The following KANSL1 variants were observed in gnomAD, a reference collection of about 807,000 sequenced individuals.
KANSL1 encodes KAT8 regulatory NSL complex subunit 1.
A neutral mutation model predicts 103.6 loss-of-function variants in KANSL1; 22 were observed. That is an observed-to-expected ratio of 0.21 (90% CI 0.15 to 0.30). KANSL1 has a LOEUF of 0.30. Ranked by LOEUF, KANSL1 falls within the 10% of genes least tolerant of loss-of-function variation. The pLI is 1.00. For synonymous variants in KANSL1, 600 were observed against 527.6 expected, an observed-to-expected ratio of 1.14 and a Z score of -1.88; for missense variants, 1,337 against 1,399.8, an observed-to-expected ratio of 0.96 and a Z score of 0.72.
intron 2 of KANSL1, among the ~76,000 whole-genome samples, chr17:46,139,480 C>T (rs1012927288): frequency 6.6e-6 from 1 of 152,176 alleles, no homozygotes; most frequent in African/African-American, 2.4e-5. Context: ...CACTACTCAC[C>T]CATCTAAATG....
intron 2 of KANSL1, among the ~76,000 whole-genome samples, chr17:46,100,542 G>A (rs1014537687): frequency 6.6e-6 from 1 of 151,644 alleles, no homozygotes; most frequent in African/African-American, 2.4e-5. Context: ...CAGCTTACAT[G>A]TTGGCTAAAA....
intron 3 of KANSL1, among the ~76,000 whole-genome samples, chr17:46,087,965 C>G (rs1469289074): frequency 5.3e-5 from 8 of 152,318 alleles, no homozygotes; most frequent in African/African-American, 1.4e-4. Context: ...AATAGCTGTG[C>G]CATTAGCCTG....
rs769590171 is a variant in KANSL1 at position 46,031,467 on chromosome 17, G to A, written c.*9C>T. ...AGTTAGTGAGTCTGTTTAGATGGCT[G>A]TCTCCCGCTCATCTGTGAGTCGGGC... On this transcript the variant is annotated 3_prime_UTR_variant, in exon 15 of 15. Coordinates refer to ENST00000432791, the MANE Select transcript of KANSL1 (RefSeq NM_015443.4). 1.3e-6 allele frequency: 2 copies of A among 1,590,310 alleles called. No individual in the cohort carries two copies. Among genetic ancestry groups the A allele is most frequent in the South Asian group, 2.2e-5 (2 of 88,932 alleles).
chr17:46,063,911 TTA>T (rs1485093765), intron 6 of KANSL1, among the ~76,000 whole-genome samples: 12 of 148,766 alleles, frequency 8.1e-5, no homozygotes, highest in East Asian at 1.9e-4. Flanking sequence ...TTTTTTTTTT[TTA>T]AAATGTAAAA....
intron 1 of KANSL1, among the ~76,000 whole-genome samples, chr17:46,180,821 G>A (rs574656552): frequency 2.6e-5 from 4 of 152,230 alleles, no homozygotes; most frequent in South Asian, 4.1e-4. Flanking sequence ...TCAACATAGC[G>A]AGATCGAGTC....
At chr17:46,185,599 A>C (rs1247333143) in intron 1 of KANSL1, among the ~76,000 whole-genome samples, 2 of 109,790 alleles carry the variant, frequency 1.8e-5, no homozygotes, top group Non-Finnish European at 4.8e-5. Context: ...ACTGGAATAC[A>C]AAAAAAAAAC....
intron 1 of KANSL1, among the ~76,000 whole-genome samples, chr17:46,176,133 A>G (rs974862283): frequency 3.9e-5 from 6 of 152,216 alleles, no homozygotes; most frequent in African/African-American, 1.4e-4. Flanking sequence ...GAGTAATTGT[A>G]CCCTACTGCC....
At chr17:46,121,877 A>G (rs1285601433) in intron 2 of KANSL1, among the ~76,000 whole-genome samples, 3 of 152,218 alleles carry the variant, frequency 2.0e-5, no homozygotes, top group Non-Finnish European at 4.4e-5. Flanking sequence ...ATCAAAGCTT[A>G]GCTGGGCCTA....
At chr17:46,196,702 A>C (rs561678390), upstream of KANSL1, 6 of 259,408 alleles carry the variant, frequency 2.3e-5, no homozygotes, top group East Asian at 4.8e-4. Context: ...TTCCTTATAT[A>C]ATAAATGAAG....
chr17:46,212,661 T>C (rs938243520), intron 1 of KANSL1, among the ~76,000 whole-genome samples: 4 of 152,260 alleles, frequency 2.6e-5, no homozygotes, highest in Admixed American at 6.5e-5. Context: ...ATGAACATCT[T>C]TGTTCACAAA....
chr17:46,116,242 C>A (rs1208957392), intron 2 of KANSL1, among the ~76,000 whole-genome samples: 1 of 152,180 alleles, frequency 6.6e-6, no homozygotes, highest in Non-Finnish European at 1.5e-5. Flanking sequence ...TCAAAAAAAA[C>A]CATTACTGCG....
chr17:46,064,116 A>G (rs572332860), intron 6 of KANSL1, among the ~76,000 whole-genome samples: 1 of 151,532 alleles, frequency 6.6e-6, no homozygotes, highest in Non-Finnish European at 1.5e-5. Context: ...AACCCTGCCA[A>G]ATACCTTATT....
chr17:46,194,237 A>G (rs1350490631), upstream of KANSL1, among the ~76,000 whole-genome samples: 1 of 152,284 alleles, frequency 6.6e-6, no homozygotes, highest in Non-Finnish European at 1.5e-5. Flanking sequence ...GGCTTGGCAG[A>G]TCCGCCAAAA....
At chr17:46,146,123 T>C (rs1200334689) in intron 2 of KANSL1, among the ~76,000 whole-genome samples, 1 of 152,224 alleles carries the variant, frequency 6.6e-6, no homozygotes, top group African/African-American at 2.4e-5. Flanking sequence ...TGTGCCTCCA[T>C]ACAACCCCTC....
intron 2 of KANSL1, among the ~76,000 whole-genome samples, chr17:46,169,223 T>G (rs1174307741): frequency 6.6e-6 from 1 of 152,220 alleles, no homozygotes; most frequent in East Asian, 1.9e-4. Flanking sequence ...GCAAGCTGAA[T>G]TAAGCTACTA....
intron 2 of KANSL1, among the ~76,000 whole-genome samples, chr17:46,164,256 A>T (rs2045889649): frequency 6.6e-6 from 1 of 152,268 alleles, no homozygotes; most frequent in Non-Finnish European, 1.5e-5. Context: ...AACTATATCT[A>T]CGGTAAATGG....
intron 3 of KANSL1, 181 bp downstream of exon 3, chr17:46,094,379 G>A (rs1165393426): frequency 2.7e-6 from 2 of 731,202 alleles, no homozygotes; most frequent in South Asian, 1.9e-5. Context: ...TCACAAGAGT[G>A]AGCCACCACG....
chr17:46,036,002 A>G (rs1322824575), intron 10 of KANSL1: 2 of 151,626 alleles, frequency 1.3e-5, no homozygotes, highest in Non-Finnish European at 2.9e-5. Context: ...GTTGTATATC[A>G]GAAGCAACAT....
At chr17:46,199,675 AG>A (rs2047729641) in intron 1 of KANSL1, among the ~76,000 whole-genome samples, 1 of 152,264 alleles carries the variant, frequency 6.6e-6, no homozygotes, top group Admixed American at 6.5e-5. Flanking sequence ...ATCTCACCAC[AG>A]AACTGACCCA....
Sources: allele counts gnomAD v4.1 joint callset (sites outside exome capture counted in the v4.1 genomes callset), GRCh38; gene constraint gnomAD v4.1.1; transcripts MANE v1.5; gene names NCBI Gene and HGNC (gene_info 2026-07-23, HGNC 2026-07-21).